Variants in PRELID2 observed in about 807,000 individuals in gnomAD.
The protein encoded by PRELID2 is PRELI domain-containing protein 2.
A neutral mutation model predicts 28.4 loss-of-function variants in PRELID2; 25 were observed. That is an observed-to-expected ratio of 0.88 (90% CI 0.64 to 1.23). The LOEUF is 1.23. PRELID2 is among the 50% of genes most tolerant of loss of function. The pLI, the probability that PRELID2 is intolerant of heterozygous loss-of-function variation, is 0.00. For synonymous variants in PRELID2, 76 were observed against 71.6 expected (o/e 1.06, Z -0.31); for missense variants, 201 against 214.4 (o/e 0.94, Z 0.39).
chr5:145,235,581 T>A, the PRELID2 span, among the ~76,000 whole-genome samples: 1 of 152,110 alleles, frequency 6.6e-6, no homozygotes, highest in Non-Finnish European at 1.5e-5. Flanking sequence ...TCTGTGCTCT[T>A]TTGCTGAAAC....
chr5:145,563,104 C>T (rs148985374), intron 1 of PRELID2, among the ~76,000 whole-genome samples: 43 of 152,318 alleles, frequency 2.8e-4, no homozygotes, highest in African/African-American at 4.1e-4. Context: ...ACATGATCCA[C>T]GCTTGGCCAA....
At chr5:145,368,579 G>T in the PRELID2 span, among the ~76,000 whole-genome samples, 1 of 151,700 alleles carries the variant, frequency 6.6e-6, no homozygotes, top group Non-Finnish European at 1.5e-5. Flanking sequence ...TTTACTTCTG[G>T]TCTCTCATGG....
At chr5:145,808,527 A>G (rs1463038529) in intron 4 of PRELID2, among the ~76,000 whole-genome samples, 3 of 152,182 alleles carry the variant, frequency 2.0e-5, no homozygotes, top group African/African-American at 4.8e-5. Context: ...AGTTGTATCC[A>G]TATCTATTAG....
At chr5:145,547,367 C>CA (rs530349477) in intron 1 of PRELID2, among the ~76,000 whole-genome samples, 411 of 152,212 alleles carry the variant, frequency 2.7e-3, no homozygotes, top group Non-Finnish European at 3.6e-3. Flanking sequence ...GCTCTGTACT[C>CA]AAAGATTATC....
chr5:145,601,479 T>C (rs1266261505), intron 1 of PRELID2, among the ~76,000 whole-genome samples: 1 of 152,214 alleles, frequency 6.6e-6, no homozygotes, highest in African/African-American at 2.4e-5. Flanking sequence ...GCGATAAGAT[T>C]TGAAGTTTCT....
At chr5:145,369,249 C>T in the PRELID2 span, among the ~76,000 whole-genome samples, 1 of 151,670 alleles carries the variant, frequency 6.6e-6, no homozygotes, top group Admixed American at 6.6e-5. Context: ...CACCTATTAA[C>T]CCATCTTCTA....
At chr5:145,825,554 T>C (rs78074098) in intron 1 of PRELID2, among the ~76,000 whole-genome samples, 1,746 of 152,346 alleles carry the variant, frequency 0.011, 27 homozygotes, top group African/African-American at 0.039. Context: ...AAATTCAACA[T>C]AAGTTGTAGA....
At chr5:145,538,007 T>C (rs1323653036) in intron 1 of PRELID2, among the ~76,000 whole-genome samples, 1 of 151,992 alleles carries the variant, frequency 6.6e-6, no homozygotes, top group African/African-American at 2.4e-5. Context: ...TTTGATTTGA[T>C]TTTTGTATAT....
rs74578396 is a variant in PRELID2, at chr5:145,649,552, G to A, written n.70+115379C>T. Among the ~76,000 whole-genome samples the A allele has an allele frequency of 2.7e-3, 412 of 152,134 alleles. 2 individuals carry two copies. The highest frequency in any genetic ancestry group is 9.3e-3 in the African/African-American group (386 of 41,522). ...GATGAGGTTATCAGGACATAACCTC[G>A]TCATAAGTCAAGGAGCATCCGTACT... On this transcript the variant is annotated intron_variant and non_coding_transcript_variant, in intron 1 of 2. Coordinates refer to the PRELID2 transcript ENST00000510259.
rs531149029 is a variant in PRELID2, at chr5:145,608,170, T to C, written n.71-134855A>G. On this transcript the variant is annotated intron_variant and non_coding_transcript_variant, in intron 1 of 2. Coordinates refer to the PRELID2 transcript ENST00000510259. ...CACTGCATGTGAAGTGAGTCACTTA[T>C]AGACAGCATACAAGTGAGTCTTGCT... Among the ~76,000 whole-genome samples the C allele has an allele frequency of 7.5e-4, 114 of 152,306 alleles. 1 individual carries two copies. The highest frequency in any genetic ancestry group is 2.7e-3 in the African/African-American group (111 of 41,566).
At chr5:145,234,911 A>G in the PRELID2 span, among the ~76,000 whole-genome samples, 1 of 152,152 alleles carries the variant, frequency 6.6e-6, no homozygotes, top group Non-Finnish European at 1.5e-5. Context: ...CTGTGGCCTC[A>G]GTATGTCCTC....
chr5:145,824,463 T>A lies in PRELID2; in HGVS notation c.76-1329A>T, dbSNP rs413654. Among the ~76,000 whole-genome samples the A allele has an allele frequency of 2.0e-3, 282 of 143,526 alleles. 4 individuals are homozygous for A. The highest frequency in any genetic ancestry group is 8.9e-3 in the South Asian group (39 of 4,390). 94.2% of individuals were successfully genotyped at this position (143,526 alleles called of 152,430 possible). On this transcript the variant is annotated intron_variant, in intron 1 of 6. Transcript: ENST00000683046. ...GTGTGTGTGTGTGTGTGTGTGTGTG[T>A]GATATTGATTTATTAATGGATTTTT...
At chr5:145,617,137 T>C (rs1211126406) in intron 1 of PRELID2, among the ~76,000 whole-genome samples, 2 of 152,216 alleles carry the variant, frequency 1.3e-5, no homozygotes, top group Non-Finnish European at 2.9e-5. Flanking sequence ...CCTGTTCTTT[T>C]TTCAAAGTGC....
At chr5:145,614,981 C>G (rs1283398848) in intron 1 of PRELID2, among the ~76,000 whole-genome samples, 2 of 152,094 alleles carry the variant, frequency 1.3e-5, no homozygotes, top group African/African-American at 4.8e-5. Flanking sequence ...TCTTGATGAC[C>G]TGTCTAGTGC....
rs377389843 is a variant in PRELID2 at position 145,546,117 on chromosome 5, A to G, written n.71-72802T>C. 4.6e-5 allele frequency among the ~76,000 whole-genome samples: 7 copies of G among 152,298 alleles called. No individual in the cohort carries two copies. In the East Asian group the frequency reaches 1.2e-3, roughly 25 times the overall value. ...TTCCAGGCCTCACATACTATAAAAC[A>G]TAAAAACTTGTGAAGTGTATGACAT... On this transcript the variant is annotated intron_variant and non_coding_transcript_variant, in intron 1 of 2. Transcript: ENST00000510259.
chr5:145,327,412 G>A, the PRELID2 span, among the ~76,000 whole-genome samples: 38,059 of 151,676 alleles, frequency 0.25, 5,109 homozygotes, highest in African/African-American at 0.35. Flanking sequence ...AGTCAATTTT[G>A]TACGATATAA....
intron 1 of PRELID2, among the ~76,000 whole-genome samples, chr5:145,647,555 G>A (rs1258524300): frequency 1.3e-5 from 2 of 152,130 alleles, no homozygotes; most frequent in Non-Finnish European, 2.9e-5. Flanking sequence ...GGCATTCCAG[G>A]TGCCACTGGC....
At chr5:145,637,770 CTTAATG>C (rs745714916) in intron 1 of PRELID2, among the ~76,000 whole-genome samples, 10 of 150,198 alleles carry the variant, frequency 6.7e-5, no homozygotes, top group South Asian at 6.3e-4. Flanking sequence ...TTTTCAAAGT[CTTAATG>C]TTAATGTCAC....
chr5:145,741,125 T>C (rs1313936561), intron 1 of PRELID2, among the ~76,000 whole-genome samples: 2 of 116,794 alleles, frequency 1.7e-5, no homozygotes, highest in Non-Finnish European at 3.2e-5. Flanking sequence ...AAATATATAA[T>C]ATATAAATAT....
Sources: allele counts gnomAD v4.1 joint callset (sites outside exome capture counted in the v4.1 genomes callset), GRCh38; gene constraint gnomAD v4.1.1; transcripts MANE v1.5; gene names NCBI Gene and HGNC (gene_info 2026-07-23, HGNC 2026-07-21).